TTBK2: variants seen among roughly 807,000 people sequenced by gnomAD.
TTBK2 encodes tau-tubulin kinase 2.
A neutral mutation model predicts 110.8 loss-of-function variants in TTBK2; 28 were observed. The observed-to-expected ratio is 0.25, with a 90% CI of 0.19 to 0.35. The LOEUF (loss-of-function observed/expected upper bound fraction) is 0.35, where lower values mean the gene tolerates loss of function less well. Among genes scored for constraint, TTBK2 ranks in the 10% least tolerant of loss-of-function variants. TTBK2 has a pLI of 1.00. For missense variants in TTBK2, 1,369 were observed against 1,500.3 expected, an observed-to-expected ratio of 0.91 and a Z score of 1.45; for synonymous variants, 532 against 527.3, an observed-to-expected ratio of 1.01 and a Z score of -0.12.
chr15:42,860,772 T>C (rs1339437315), intron 3 of TTBK2, among the ~76,000 whole-genome samples: 1 of 151,422 alleles, frequency 6.6e-6, no homozygotes, highest in East Asian at 1.9e-4. Flanking sequence ...TTCAAGCGAT[T>C]CTCCTGCCTC....
chr15:42,829,878 C>T, intron 5 of TTBK2, 60 bp downstream of exon 5: 2 of 1,589,562 alleles, frequency 1.3e-6, no homozygotes, highest in South Asian at 1.1e-5. Flanking sequence ...TTTATTGTGT[C>T]CCATCATAAC....
intron 7 of TTBK2, among the ~76,000 whole-genome samples, chr15:42,814,448 G>A (rs1953165131): frequency 1.3e-5 from 2 of 151,958 alleles, no homozygotes; most frequent in Non-Finnish European, 2.9e-5. Flanking sequence ...ACAGTGGTGT[G>A]CACCTGTGGT....
In TTBK2 at chr15:42,744,871, A is replaced by G. The variant is rs890221979; in HGVS notation, c.*924T>C. 10 of 153,444 alleles carry G rather than the reference A, an allele frequency of 6.5e-5. No individual in the cohort carries two copies. Among genetic ancestry groups the G allele is most frequent in the Non-Finnish European group, 1.2e-4 (8 of 68,178 alleles). 9.5% of individuals were successfully genotyped at this position (153,444 alleles called of 1,614,324 possible). On this transcript the variant is annotated 3_prime_UTR_variant, in exon 15 of 15. Coordinates refer to ENST00000267890, the MANE Select transcript of TTBK2 (RefSeq NM_173500.4). ...GATATTACAAACAGTTGGAACCCAG[A>G]AGACTTAAGGAAGCAGTCTACTCTG...
At chr15:42,792,423 T>G (rs1480854727) in intron 10 of TTBK2, among the ~76,000 whole-genome samples, 3 of 152,180 alleles carry the variant, frequency 2.0e-5, no homozygotes, top group African/African-American at 7.2e-5. Flanking sequence ...TTTTCCTCCG[T>G]CACTCCACTA....
intron 1 of TTBK2, among the ~76,000 whole-genome samples, chr15:42,892,697 C>G (rs548513033): frequency 1.6e-5 from 2 of 122,298 alleles, no homozygotes; most frequent in Non-Finnish European, 3.4e-5. Context: ...AGAGCAAGAC[C>G]CTGTCTCAAA....
chr15:42,872,343 G>A (rs1423095726), intron 3 of TTBK2, among the ~76,000 whole-genome samples: 2 of 152,106 alleles, frequency 1.3e-5, no homozygotes, highest in Non-Finnish European at 2.9e-5. Context: ...ACTTTCCGAA[G>A]CAGTAAAAAT....
At chr15:42,896,250 C>T (rs1353763843) in intron 1 of TTBK2, among the ~76,000 whole-genome samples, 1 of 151,828 alleles carries the variant, frequency 6.6e-6, no homozygotes, top group African/African-American at 2.4e-5. Context: ...ATTGCTTGAA[C>T]CCGGGAGGCA....
chr15:42,836,386 C>T (rs1438203913), intron 4 of TTBK2, among the ~76,000 whole-genome samples: 1 of 151,898 alleles, frequency 6.6e-6, no homozygotes, highest in Non-Finnish European at 1.5e-5. Context: ...ATGGAGGAGA[C>T]CCAGTAGTTA....
intron 3 of TTBK2, among the ~76,000 whole-genome samples, chr15:42,845,582 C>T (rs1292666854): frequency 2.2e-5 from 3 of 135,130 alleles, no homozygotes; most frequent in Admixed American, 8.8e-5. Flanking sequence ...TGCAGTGGGC[C>T]GAGATCGCAC....
At chr15:42,900,636 C>A (rs751053031) in intron 1 of TTBK2, among the ~76,000 whole-genome samples, 2 of 151,838 alleles carry the variant, frequency 1.3e-5, no homozygotes, top group Non-Finnish European at 2.9e-5. Flanking sequence ...TCAGGAGAAT[C>A]GCTTGAACCC....
intron 13 of TTBK2, among the ~76,000 whole-genome samples, chr15:42,760,681 A>G (rs2899065): frequency 1.3e-5 from 2 of 152,320 alleles, no homozygotes; most frequent in African/African-American, 4.8e-5. Flanking sequence ...AACTGAAGAG[A>G]ACATACAATA....
intron 1 of TTBK2, among the ~76,000 whole-genome samples, chr15:42,886,454 CA>C (rs937626243): frequency 1.3e-5 from 2 of 151,442 alleles, no homozygotes; most frequent in Non-Finnish European, 2.9e-5. Flanking sequence ...TCATCAAATA[CA>C]AAAACCCAGG....
In TTBK2 at chr15:42,775,549, A is replaced by G; in HGVS notation, c.1584T>C (p.Asp528=). 1 of 1,614,152 alleles carries G rather than the reference A, an allele frequency of 6.2e-7. No individual in the cohort carries two copies. Among genetic ancestry groups the G allele is most frequent in the South Asian group, 1.1e-5 (1 of 91,086 alleles). Residue 528 remains aspartate (D), a synonymous_variant, in exon 13 of 15, where the codon GAT becomes GAC. Transcript: ENST00000267890. ...CTATAAATCCATTGCTGCCACCACC[A>G]TCTGCCTGCTCAGGGGTGTTGGCAG... is the stretch of plus-strand genomic sequence containing the variant. ...PASANTPEQA[D]GGGSNGFIAV...
intron 10 of TTBK2, among the ~76,000 whole-genome samples, chr15:42,790,175 ACTC>A (rs1244375703): frequency 1.3e-5 from 2 of 152,060 alleles, no homozygotes; most frequent in Non-Finnish European, 2.9e-5. Flanking sequence ...AGACTATAAA[ACTC>A]CTAGAAGAGA....
At chr15:42,750,968 T>C (rs1165511014) in intron 14 of TTBK2, among the ~76,000 whole-genome samples, 3 of 152,228 alleles carry the variant, frequency 2.0e-5, no homozygotes, top group African/African-American at 4.8e-5. Flanking sequence ...CTAAGAATCC[T>C]ATATCTGGCA....
chr15:42,883,639 A>C (rs1349511724), intron 1 of TTBK2, among the ~76,000 whole-genome samples: 1 of 152,064 alleles, frequency 6.6e-6, no homozygotes, highest in Non-Finnish European at 1.5e-5. Context: ...ATACCAAAAC[A>C]TGTTAAGATA....
At chr15:42,796,445 C>CAGCTGGT (rs1367975233) in intron 9 of TTBK2, among the ~76,000 whole-genome samples, 1 of 152,034 alleles carries the variant, frequency 6.6e-6, no homozygotes, top group Non-Finnish European at 1.5e-5. Flanking sequence ...GCCATAGAAC[C>CAGCTGGT]AGCTGGTATT....
intron 3 of TTBK2, among the ~76,000 whole-genome samples, chr15:42,863,798 T>C (rs1203982118): frequency 6.6e-6 from 1 of 152,198 alleles, no homozygotes; most frequent in Non-Finnish European, 1.5e-5. Context: ...CCAACTGATC[T>C]TTGACAAAAG....
chr15:42,815,956 A>ATATATATATATATATATATATAT (rs1256399173), intron 7 of TTBK2, among the ~76,000 whole-genome samples: 5 of 63,948 alleles, frequency 7.8e-5, no homozygotes, highest in South Asian at 6.3e-4. Flanking sequence ...ATTTAAAAAA[A>ATATATATATATATATATATATAT]AAATATATAT....
Sources: allele counts gnomAD v4.1 joint callset (sites outside exome capture counted in the v4.1 genomes callset), GRCh38; gene constraint gnomAD v4.1.1; transcripts MANE v1.5; gene names NCBI Gene and HGNC (gene_info 2026-07-23, HGNC 2026-07-21).